CACNA1E: variants seen among roughly 807,000 people sequenced by gnomAD.
CACNA1E encodes voltage-dependent R-type calcium channel subunit alpha-1E.
CACNA1E carries 40 observed loss-of-function variants against 259.2 expected under a neutral mutation model. The observed-to-expected ratio is 0.15, with a 90% CI of 0.12 to 0.20. The LOEUF is 0.20. Among genes scored for constraint, CACNA1E ranks in the 10% least tolerant of loss-of-function variants. The pLI is 1.00. For missense variants in CACNA1E, 1,874 were observed against 3,040.1 expected (o/e 0.62, Z 9.02); for synonymous variants, 1,104 against 1,138.5 (o/e 0.97, Z 0.61).
chr1:181,608,185 A>C (rs420276), intron 6 of CACNA1E, among the ~76,000 whole-genome samples: 137,213 of 152,024 alleles, frequency 0.9, 62,126 homozygotes, highest in East Asian at 0.98. Context: ...CATCTCAGGG[A>C]ACAGAGAAGG....
chr1:181,529,918 T>C (rs957669207), intron 3 of CACNA1E, among the ~76,000 whole-genome samples: 1 of 152,226 alleles, frequency 6.6e-6, no homozygotes, highest in Admixed American at 6.5e-5. Flanking sequence ...TGAAATGAAC[T>C]AAGACTTTGG....
rs143714552 is a variant in CACNA1E, at chr1:181,717,067, C to T, written c.1316-26C>T. ...CGGACCACAGGATATTTTGCAGTCT[C>T]ATTCTTCCTTACTTCTCCCTCTTAG... On this transcript the variant is annotated intron_variant, in intron 10 of 47. Coordinates refer to ENST00000367573, the MANE Select transcript of CACNA1E (RefSeq NM_001205293.3). 7 of 1,601,102 alleles carry T rather than the reference C, an allele frequency of 4.4e-6. No individual in the cohort carries two copies. The African/African-American group carries it at 9.4e-5, about 21-fold the overall frequency.
At chr1:181,692,824 T>C (rs779743163) in intron 7 of CACNA1E, among the ~76,000 whole-genome samples, 3 of 151,954 alleles carry the variant, frequency 2.0e-5, no homozygotes, top group African/African-American at 4.8e-5. Flanking sequence ...GAGCTCTGTA[T>C]GGCAAAAGAA....
Position 181,806,656 on chromosome 1 carries a change from G to A in CACNA1E, c.*7822G>A, listed in dbSNP as rs938049992. On this transcript the variant is annotated 3_prime_UTR_variant, in exon 48 of 48. Coordinates refer to ENST00000367573, the MANE Select transcript of CACNA1E (RefSeq NM_001205293.3). The stretch of plus-strand genomic sequence containing the variant: ...GTTCAGCACTGCATGTTGACCAGGC[G>A]GATATCCTATAATATAGATGCTCGT... 4.0e-5 allele frequency: 6 copies of A among 151,866 alleles called. No individual in the cohort carries two copies. In the South Asian group the frequency reaches 6.3e-4, roughly 16 times the overall value. 9.4% of individuals were successfully genotyped at this position (151,866 alleles called of 1,614,324 possible). A position where few individuals can be genotyped will look rare whatever the true frequency, so the allele number is the denominator to read the frequency against.
intron 43 of CACNA1E, 54 bp downstream of exon 43, chr1:181,785,873 C>G: frequency 8.3e-6 from 10 of 1,208,502 alleles, no homozygotes; most frequent in Non-Finnish European, 1.2e-5. Flanking sequence ...GTCACCCATG[C>G]TGTTGTGCAG....
chr1:181,331,398 C>T (rs575303250), intron 1 of CACNA1E, among the ~76,000 whole-genome samples: 22 of 152,232 alleles, frequency 1.4e-4, no homozygotes, highest in African/African-American at 4.6e-4. Flanking sequence ...CCTGGAAGGA[C>T]GGTGGCTGGT....
At position 181,800,327 on chromosome 1, in the gene CACNA1E, A is replaced by T. The variant is rs1572929312; in HGVS notation, c.*1493A>T. ...TGCCCCTGGGCCAAGATGGGGCTTC[A>T]CCCCTCCCCAGAGTAAGAGCTGGGG... is the stretch of plus-strand genomic sequence containing the variant. On this transcript the variant is annotated 3_prime_UTR_variant, in exon 48 of 48. Coordinates refer to ENST00000367573, the MANE Select transcript of CACNA1E (RefSeq NM_001205293.3). The T allele has an allele frequency of 6.6e-6, 1 of 152,348 alleles. No individual in the cohort carries two copies. The highest frequency in any genetic ancestry group is 2.4e-5 in the African/African-American group (1 of 41,330). The allele number at this position is 152,348 out of a possible 1,614,324, so 9.4% of individuals were successfully genotyped here. A position where few individuals can be genotyped will look rare whatever the true frequency, so the allele number is the denominator to read the frequency against.
intron 2 of CACNA1E, among the ~76,000 whole-genome samples, chr1:181,474,675 T>C (rs1662727691): frequency 6.6e-6 from 1 of 152,236 alleles, no homozygotes; most frequent in African/African-American, 2.4e-5. Context: ...CTGTAGTTGA[T>C]ATGGGTTTTT....
intron 6 of CACNA1E, among the ~76,000 whole-genome samples, chr1:181,586,210 G>A (rs1030034194): frequency 1.3e-5 from 2 of 152,162 alleles, no homozygotes; most frequent in Non-Finnish European, 2.9e-5. Context: ...TAACTAAGCT[G>A]GGGAAGAACA....
intron 7 of CACNA1E, among the ~76,000 whole-genome samples, chr1:181,675,301 A>T (rs956833658): frequency 3.3e-5 from 5 of 152,150 alleles, no homozygotes; most frequent in African/African-American, 1.2e-4. Flanking sequence ...CCGAAACATC[A>T]TGGGTGACTG....
At position 181,798,916 on chromosome 1, in the gene CACNA1E, G is replaced by T. The variant is rs1480682671; in HGVS notation, c.*82G>T. 2 of 1,299,642 alleles carry T rather than the reference G, an allele frequency of 1.5e-6. No homozygotes were observed. The highest frequency in any genetic ancestry group is 2.0e-6 in the Non-Finnish European group (2 of 981,708). The allele number at this position is 1,299,642 out of a possible 1,614,324, so 80.5% of individuals were successfully genotyped here. On this transcript the variant is annotated 3_prime_UTR_variant, in exon 48 of 48. Transcript: ENST00000367573. The surrounding 1 kb of genome is among the most constrained non-coding windows in gnomAD (Gnocchi z 4.2). Reference sequence around the variant, plus strand: ...AATTGGGAAGCCAGTGCGGCCCGGGGGGGAGGAAGAGGGAAAAGGAAGATG... The same window carrying T: ...AATTGGGAAGCCAGTGCGGCCCGGGTGGGAGGAAGAGGGAAAAGGAAGATG...
At chr1:181,724,619 T>C in intron 17 of CACNA1E, 82 bp downstream of exon 17, 1 of 1,171,486 alleles carries the variant, frequency 8.5e-7, no homozygotes, top group South Asian at 1.3e-5. Context: ...TCCCAAAGTC[T>C]ACATTGTCTG....
At chr1:181,639,683 G>T (rs1657576423) in intron 6 of CACNA1E, among the ~76,000 whole-genome samples, 1 of 152,188 alleles carries the variant, frequency 6.6e-6, no homozygotes, top group Non-Finnish European at 1.5e-5. Flanking sequence ...ATGTTTCCCA[G>T]ATTGGAGAAA....
At chr1:181,653,133 G>A (rs1051539170) in intron 7 of CACNA1E, among the ~76,000 whole-genome samples, 3 of 151,988 alleles carry the variant, frequency 2.0e-5, no homozygotes, top group Admixed American at 6.6e-5. Context: ...CCATAGCTCC[G>A]CGGCTTAAAA....
intron 1 of CACNA1E, among the ~76,000 whole-genome samples, chr1:181,383,082 T>C (rs1473489517): frequency 1.3e-5 from 2 of 152,192 alleles, no homozygotes; most frequent in Non-Finnish European, 2.9e-5. Context: ...CATATTGTAA[T>C]GTGTTCTCCT....
chr1:181,627,322 G>T (rs748049439), intron 6 of CACNA1E, among the ~76,000 whole-genome samples: 1 of 152,198 alleles, frequency 6.6e-6, no homozygotes, highest in Non-Finnish European at 1.5e-5. Flanking sequence ...ATTGAACTAG[G>T]TCTTATAGGA....
chr1:181,526,768 C>A (rs533250020), intron 3 of CACNA1E, among the ~76,000 whole-genome samples: 1 of 152,256 alleles, frequency 6.6e-6, no homozygotes, highest in East Asian at 1.9e-4. Context: ...AGTTATTTAA[C>A]CTCTCATCCT....
chr1:181,802,108 C>A lies in CACNA1E; in HGVS notation c.*3274C>A, dbSNP rs1469916753. The A allele has an allele frequency of 6.6e-6, 1 of 152,220 alleles. No individual in the cohort carries two copies. Among genetic ancestry groups the A allele is most frequent in the Non-Finnish European group, 1.5e-5 (1 of 68,050 alleles). The allele number at this position is 152,220 out of a possible 1,614,324, so 9.4% of individuals were successfully genotyped here. A position where few individuals can be genotyped will look rare whatever the true frequency, so the allele number is the denominator to read the frequency against. ...CAGGGGCAGGGCTCCAGCCAAGGTG[C>A]CCCTGAGCCAGGGTCAACATAGAAT... is the stretch of plus-strand genomic sequence containing the variant. On this transcript the variant is annotated 3_prime_UTR_variant, in exon 48 of 48. Coordinates refer to ENST00000367573, the MANE Select transcript of CACNA1E (RefSeq NM_001205293.3).
At chr1:181,366,701 C>T (rs1401700997) in intron 1 of CACNA1E, among the ~76,000 whole-genome samples, 1 of 152,098 alleles carries the variant, frequency 6.6e-6, no homozygotes, top group Non-Finnish European at 1.5e-5. Flanking sequence ...CTGTGTGACC[C>T]CAGACAACTT....
Sources: gnomAD v4.1 joint callset for allele counts (sites outside exome capture counted in the v4.1 genomes callset) on GRCh38, gnomAD v4.1.1 for gene constraint, Gnocchi (gnomAD v3.1) non-coding constraint, MANE v1.5 for transcripts, NCBI Gene and HGNC (gene_info 2026-07-23, HGNC 2026-07-21) for gene names.